The following GMEB1 variants were observed in gnomAD, a reference collection of about 807,000 sequenced individuals.
GMEB1 encodes glucocorticoid modulatory element-binding protein 1.
GMEB1 carries 6 observed loss-of-function variants against 52.4 expected under a neutral mutation model. The ratio of observed to expected loss-of-function variants is 0.11; its 90% CI spans 0.06 to 0.23. The LOEUF (loss-of-function observed/expected upper bound fraction) is 0.23. Ranked by LOEUF, GMEB1 falls within the 10% of genes least tolerant of loss-of-function variation. The probability of loss-of-function intolerance (pLI) is 1.00; values close to 1 mark genes in which losing one functional copy is unlikely to be tolerated. For synonymous variants in GMEB1, 255 were observed against 244.9 expected (o/e 1.04, Z -0.38); for missense variants, 486 against 685.6 (o/e 0.71, Z 3.25).
chr1:28,674,971 G>A (rs1467500904), intron 1 of GMEB1, among the ~76,000 whole-genome samples: 4 of 144,500 alleles, frequency 2.8e-5, no homozygotes, highest in Admixed American at 1.4e-4. Flanking sequence ...CGCCCGCCTC[G>A]GCCTCCCAAA....
chr1:28,704,067 TCAGGAATGG>T, intron 7 of GMEB1, 116 bp from the exon 8 acceptor site: 1 of 911,292 alleles, frequency 1.1e-6, no homozygotes, highest in Non-Finnish European at 1.6e-6. Flanking sequence ...TTCCCTTTTT[TCAGGAATGG>T]CCCAATAAGA....
chr1:28,685,600 G>A (rs1446328202), intron 2 of GMEB1, among the ~76,000 whole-genome samples: 1 of 152,154 alleles, frequency 6.6e-6, no homozygotes, highest in East Asian at 1.9e-4. Context: ...GGCCATAGTA[G>A]ATATAGAGAA....
In GMEB1 at chr1:28,716,295, A is replaced by C. The variant is rs1429635935; in HGVS notation, c.*1522A>C. ...TGGCTGTCACAGGGATGGGGCTCCAAGGCCATCATTTTCATTGCATGGCTC... is the reference window on the plus strand; with the variant it reads ...TGGCTGTCACAGGGATGGGGCTCCACGGCCATCATTTTCATTGCATGGCTC... On this transcript the variant is annotated 3_prime_UTR_variant, in exon 10 of 10. Coordinates refer to ENST00000373816, the MANE Select transcript of GMEB1 (RefSeq NM_001319674.2). 2 of 152,176 alleles carry C rather than the reference A, an allele frequency of 1.3e-5. No individual in the cohort carries two copies. The highest frequency in any genetic ancestry group is 2.9e-5 in the Non-Finnish European group (2 of 68,038). The allele number at this position is 152,176 out of a possible 1,614,324, so 9.4% of individuals were successfully genotyped here.
intron 3 of GMEB1, among the ~76,000 whole-genome samples, chr1:28,691,283 G>A (rs1316173026): frequency 1.3e-5 from 2 of 152,102 alleles, no homozygotes; most frequent in African/African-American, 2.4e-5. Context: ...GGGTGACAGA[G>A]TGAGACTCCA....
intron 1 of GMEB1, among the ~76,000 whole-genome samples, chr1:28,680,662 G>C (rs1375439641): frequency 6.6e-6 from 1 of 151,668 alleles, no homozygotes; most frequent in Non-Finnish European, 1.5e-5. Flanking sequence ...TTGAACCTAG[G>C]AAAGGGAGGT....
intron 5 of GMEB1, among the ~76,000 whole-genome samples, chr1:28,695,763 C>G (rs1367134840): frequency 1.7e-4 from 24 of 144,426 alleles, no homozygotes; most frequent in African/African-American, 5.8e-4. Context: ...ACGGTGAAAC[C>G]CCGTCTCTAC....
At chr1:28,708,619 G>A (rs968776172) in intron 8 of GMEB1, among the ~76,000 whole-genome samples, 5 of 151,592 alleles carry the variant, frequency 3.3e-5, no homozygotes, top group Admixed American at 1.3e-4. Context: ...GCACCACCAC[G>A]CCTGGCCAAT....
At chr1:28,687,295 C>T (rs948754818) in intron 2 of GMEB1, among the ~76,000 whole-genome samples, 3 of 142,374 alleles carry the variant, frequency 2.1e-5, no homozygotes, top group East Asian at 4.3e-4. Context: ...ATGATCTCAC[C>T]ACTGCATTCT....
At position 28,702,525 on chromosome 1, in the gene GMEB1, T is replaced by A. The variant is rs781558871; in HGVS notation, c.686T>A (p.Met229Lys). 6.2e-7 allele frequency: 1 copy of A among 1,613,736 alleles called. No individual in the cohort carries two copies. Among genetic ancestry groups the A allele is most frequent in the African/African-American group, 1.3e-5 (1 of 74,934 alleles). The change falls in exon 7 of 10, where the codon ATG (methionine) becomes AAG (lysine). Residue 229 changes from methionine (M) to lysine (K), a missense_variant. Met to Lys is a moderately conservative substitution (Grantham distance 95). Around this residue, in one of 5 missense-constraint regions of GMEB1, gnomAD observed 200 missense variants for 253.5 expected, o/e 0.79. Coordinates refer to ENST00000373816, the MANE Select transcript of GMEB1 (RefSeq NM_001319674.2). ...TCAGCTCTCACCGCTGCTGTCACCATGGCCACGGAGGAGGGTGTAAAGAAA... is the reference window on the plus strand; with the variant it reads ...TCAGCTCTCACCGCTGCTGTCACCAAGGCCACGGAGGAGGGTGTAAAGAAA... The part of the protein sequence containing the change: ...WNSALTAAVT[M>K]ATEEGVKKDS...
At chr1:28,680,609 C>G (rs1570387699) in intron 1 of GMEB1, among the ~76,000 whole-genome samples, 1 of 152,030 alleles carries the variant, frequency 6.6e-6, no homozygotes, top group East Asian at 1.9e-4. Context: ...GTGGTGCGTG[C>G]CTAAAGTCCC....
At chr1:28,671,406 T>C (rs1326125774) in intron 1 of GMEB1, among the ~76,000 whole-genome samples, 1 of 152,130 alleles carries the variant, frequency 6.6e-6, no homozygotes, top group Non-Finnish European at 1.5e-5. Flanking sequence ...TGCGTGGCAC[T>C]GCGCCCGCCT....
At chr1:28,690,224 T>TG (rs1459037730) in intron 3 of GMEB1, 38 bp downstream of exon 3, 8 of 951,996 alleles carry the variant, frequency 8.4e-6, no homozygotes, top group South Asian at 1.5e-5. Flanking sequence ...TTTTTTTTTT[T>TG]GTCATTCTAA....
At chr1:28,685,966 A>G (rs991191381) in intron 2 of GMEB1, among the ~76,000 whole-genome samples, 2 of 152,138 alleles carry the variant, frequency 1.3e-5, no homozygotes, top group Non-Finnish European at 2.9e-5. Flanking sequence ...CTCAAAACAA[A>G]CAAACAAAAA....
intron 1 of GMEB1, among the ~76,000 whole-genome samples, chr1:28,677,931 C>G (rs1669229033): frequency 6.6e-6 from 1 of 151,976 alleles, no homozygotes; most frequent in South Asian, 2.1e-4. Context: ...CGCTTGTAAT[C>G]CCAGCACTTT....
At chr1:28,699,410 C>T (rs140507281) in intron 6 of GMEB1, among the ~76,000 whole-genome samples, 174 of 152,080 alleles carry the variant, frequency 1.1e-3, no homozygotes, top group African/African-American at 4.0e-3. Flanking sequence ...AGGTTAGGGA[C>T]ATACACTGTG....
At chr1:28,705,671 A>G (rs1670720953) in intron 8 of GMEB1, among the ~76,000 whole-genome samples, 1 of 150,026 alleles carries the variant, frequency 6.7e-6, no homozygotes, top group African/African-American at 2.4e-5. Flanking sequence ...GGCTGGTCTC[A>G]AACTCCTGAC....
intron 1 of GMEB1, among the ~76,000 whole-genome samples, chr1:28,678,099 G>T (rs890561440): frequency 1.3e-5 from 2 of 151,488 alleles, no homozygotes; most frequent in Non-Finnish European, 2.9e-5. Context: ...CAGGAGAATT[G>T]CTTGAACCCG....
chr1:28,679,537 C>A (rs1239440334), intron 1 of GMEB1, among the ~76,000 whole-genome samples: 2 of 152,094 alleles, frequency 1.3e-5, no homozygotes, highest in Non-Finnish European at 2.9e-5. Flanking sequence ...TAATATCTTG[C>A]AGTTAATTTT....
rs1376918247 is a variant in GMEB1 at position 28,704,174 on chromosome 1, T to C, written c.731-18T>C. 3 of 1,606,540 alleles carry C rather than the reference T, an allele frequency of 1.9e-6. No individual in the cohort carries two copies. The highest frequency in any genetic ancestry group is 1.3e-5 in the African/African-American group (1 of 74,560). Reference sequence around the variant, plus strand: ...TAGTGTCTCTTTTTTACCCTCTGTCTTATCCTTCTTGTGCCAGAGGACACT... The same window carrying C: ...TAGTGTCTCTTTTTTACCCTCTGTCCTATCCTTCTTGTGCCAGAGGACACT... On this transcript the variant is annotated intron_variant, in intron 7 of 9. Transcript: ENST00000373816.
Sources: gnomAD v4.1 joint callset for allele counts (sites outside exome capture counted in the v4.1 genomes callset) on GRCh38, gnomAD v4.1.1 for gene constraint, gnomAD v4.1.1 regional missense constraint, MANE v1.5 for transcripts, NCBI Gene and HGNC (gene_info 2026-07-23, HGNC 2026-07-21) for gene names.